The following UROC1 variants were observed in gnomAD, a reference collection of about 807,000 sequenced individuals.
UROC1 encodes the protein urocanate hydratase.
In UROC1, 79 loss-of-function variants were observed where a neutral mutation model predicts 89.5. That is an observed-to-expected ratio of 0.88 (90% CI 0.74 to 1.06). UROC1 has a LOEUF of 1.06. Among genes scored for constraint, UROC1 ranks in the 50% least tolerant of loss-of-function variants. The pLI is 0.00. For missense variants in UROC1, 885 were observed against 907.8 expected (o/e 0.97, Z 0.32); for synonymous variants, 361 against 354.8 (o/e 1.02, Z -0.20).
chr3:126,482,608 C>T lies in UROC1; in HGVS notation c.1891-123G>A. 4 of 1,444,772 alleles carry T rather than the reference C, an allele frequency of 2.8e-6. No homozygotes were observed. The South Asian group carries it at 4.7e-5, about 17-fold the overall frequency. 89.5% of individuals were successfully genotyped at this position (1,444,772 alleles called of 1,614,324 possible). ...CTGAGGCTGTCCGTGGGGACAGCTG[C>T]CCTTTTGTGTCTGCCCCATTTCCAC... On this transcript the variant is annotated intron_variant, in intron 19 of 19. Transcript: ENST00000290868.
At chr3:126,489,459 AC>A in intron 16 of UROC1, 84 bp from the exon 17 acceptor site, 1 of 1,081,098 alleles carries the variant, frequency 9.2e-7, no homozygotes. Flanking sequence ...GGCAGGTCAC[AC>A]CAGAACCCGC....
chr3:126,492,228 T>C (rs1419394510), intron 16 of UROC1, among the ~76,000 whole-genome samples, 190 bp downstream of exon 16: 1 of 152,060 alleles, frequency 6.6e-6, no homozygotes, highest in Admixed American at 6.5e-5. Flanking sequence ...GCCTCAGCCA[T>C]GGAAGAGCTA....
intron 18 of UROC1, among the ~76,000 whole-genome samples, chr3:126,484,433 G>C (rs1935466565): frequency 6.6e-6 from 1 of 152,202 alleles, no homozygotes; most frequent in African/African-American, 2.4e-5. Flanking sequence ...TTGTGTTGTT[G>C]CAAATGTGTC....
At chr3:126,508,191 C>A in intron 4 of UROC1, 96 bp from the exon 5 acceptor site, 1 of 1,604,830 alleles carries the variant, frequency 6.2e-7, no homozygotes, top group Non-Finnish European at 8.5e-7. Flanking sequence ...CTCCCACAGG[C>A]CCCCAGGTCT....
At chr3:126,498,344 C>G (rs1935832715) in intron 13 of UROC1, among the ~76,000 whole-genome samples, 172 bp from the exon 14 acceptor site, 1 of 152,128 alleles carries the variant, frequency 6.6e-6, no homozygotes, top group Admixed American at 6.5e-5. Context: ...CTCTGTGTCC[C>G]AGTGCCCCCA....
At position 126,492,109 on chromosome 3, in the gene UROC1, C is replaced by T. The variant is rs186187425; in HGVS notation, c.1608+309G>A. On this transcript the variant is annotated intron_variant, in intron 16 of 19. Transcript: ENST00000290868. ...CCCAGGCCCTCCTTCCCACCACCCC[C>T]TCACAGCCGCCTTACCCTTGCCTCC... Among the ~76,000 whole-genome samples, 219 of 152,234 alleles carry T rather than the reference C, an allele frequency of 1.4e-3. 1 individual carries two copies. Among genetic ancestry groups the T allele is most frequent in the African/African-American group, 4.9e-3 (202 of 41,550 alleles).
At chr3:126,496,017 C>A (rs770898647) in intron 15 of UROC1, 21 bp downstream of exon 15, 4 of 1,610,502 alleles carry the variant, frequency 2.5e-6, no homozygotes, top group Non-Finnish European at 3.4e-6. Context: ...ACCCCAGCCT[C>A]CCCCAGGCCT....
chr3:126,494,639 CT>C, intron 15 of UROC1, among the ~76,000 whole-genome samples: 1 of 152,332 alleles, frequency 6.6e-6, no homozygotes, highest in South Asian at 2.1e-4. Flanking sequence ...CAAATGCCCA[CT>C]TTTTCTTCTG....
At chr3:126,503,231 T>G (rs1027384760) in intron 9 of UROC1, among the ~76,000 whole-genome samples, 1 of 152,186 alleles carries the variant, frequency 6.6e-6, no homozygotes. Flanking sequence ...TCAAAATAGT[T>G]CACTGCATCG....
intron 14 of UROC1, among the ~76,000 whole-genome samples, chr3:126,497,308 T>A (rs749376386): frequency 6.6e-6 from 1 of 152,080 alleles, no homozygotes; most frequent in African/African-American, 2.4e-5. Flanking sequence ...GGGTAAGAAC[T>A]GCAACAACAG....
At chr3:126,501,193 C>T (rs1190598495) in intron 10 of UROC1, 25 bp downstream of exon 10, 1 of 1,613,122 alleles carries the variant, frequency 6.2e-7, no homozygotes. Flanking sequence ...CCCAAGCTGG[C>T]CATCAACTCC....
chr3:126,488,233 G>C lies in UROC1; in HGVS notation c.1755C>G (p.Thr585=). ...NFVGDACRGA[T]WVALHNGGGV... is the part of the protein sequence containing the mutation. ...CCCCTCCGTTGTGAAGGGCGACCCAGGTGGCTCCGCGACAGGCATCTCCCA... is the reference window on the plus strand; with the variant it reads ...CCCCTCCGTTGTGAAGGGCGACCCACGTGGCTCCGCGACAGGCATCTCCCA... Residue 585 remains threonine (T), a synonymous_variant, in exon 18 of 20, where the codon ACC becomes ACG. Transcript: ENST00000290868. 2 of 1,614,250 alleles carry C rather than the reference G, an allele frequency of 1.2e-6. No homozygotes were observed. Among genetic ancestry groups the C allele is most frequent in the Non-Finnish European group, 1.7e-6 (2 of 1,180,044 alleles).
Position 126,500,879 on chromosome 3 carries a change from G to C in UROC1, c.966-5C>G. 6.2e-7 allele frequency: 1 copy of C among 1,613,582 alleles called. No individual in the cohort carries two copies. The highest frequency in any genetic ancestry group is 8.5e-7 in the Non-Finnish European group (1 of 1,180,000). ...AATTCGTGGACCAGGCGCTCCCTGG[G>C]GAAGCCATGCGGTGGTCAGTGCAAG... is the stretch of plus-strand genomic sequence containing the variant. On this transcript the variant is annotated splice_region_variant and splice_polypyrimidine_tract_variant and intron_variant, in intron 10 of 19. Coordinates refer to ENST00000290868, the MANE Select transcript of UROC1 (RefSeq NM_144639.3).
At chr3:126,483,008 G>A (rs1322179783) in intron 19 of UROC1, among the ~76,000 whole-genome samples, 1 of 152,120 alleles carries the variant, frequency 6.6e-6, no homozygotes, top group East Asian at 1.9e-4. Context: ...TCCATCCCCA[G>A]CTCCGCCAGA....
chr3:126,501,928 T>C (rs1935932679), intron 9 of UROC1: 2 of 1,597,034 alleles, frequency 1.3e-6, no homozygotes, highest in Non-Finnish European at 1.7e-6. Flanking sequence ...CAGGGCTTGT[T>C]GCAATCCCAG....
At chr3:126,489,396 G>A in intron 16 of UROC1, 21 bp from the exon 17 acceptor site, 2 of 1,604,600 alleles carry the variant, frequency 1.2e-6, no homozygotes, top group Non-Finnish European at 1.7e-6. Context: ...AAGGACAGAA[G>A]CTGTCAGCCA....
chr3:126,502,863 T>C (rs1170020093), intron 9 of UROC1, among the ~76,000 whole-genome samples: 1 of 152,002 alleles, frequency 6.6e-6, no homozygotes, highest in African/African-American at 2.4e-5. Context: ...GTGTGTTGTG[T>C]GTTTGTGTGT....
At chr3:126,498,581 C>T (rs1380477765) in intron 13 of UROC1, among the ~76,000 whole-genome samples, 1 of 152,028 alleles carries the variant, frequency 6.6e-6, no homozygotes, top group Non-Finnish European at 1.5e-5. Context: ...ACAGGGCTGT[C>T]CTGGGGGGAG....
At chr3:126,496,394 G>T (rs1003660876) in intron 14 of UROC1, among the ~76,000 whole-genome samples, 3 of 152,224 alleles carry the variant, frequency 2.0e-5, no homozygotes, top group African/African-American at 7.2e-5. Context: ...ACTGAGCAAG[G>T]CACCAGGAAC....
Sources: gnomAD v4.1 joint callset for allele counts (sites outside exome capture counted in the v4.1 genomes callset) on GRCh38, gnomAD v4.1.1 for gene constraint, MANE v1.5 for transcripts, NCBI Gene and HGNC (gene_info 2026-07-23, HGNC 2026-07-21) for gene names.